ZNF251: variants seen among roughly 807,000 people sequenced by gnomAD.
ZNF251 encodes zinc finger protein 251.
In ZNF251, 14 loss-of-function variants were observed where a neutral mutation model predicts 13.5. The ratio of observed to expected loss-of-function variants is 1.04; its 90% CI spans 0.69 to 1.63. ZNF251 has a LOEUF of 1.63. ZNF251 is among the 40% of genes most tolerant of loss of function. The pLI is 0.00. For missense variants in ZNF251, 764 were observed against 834.9 expected (o/e 0.92, Z 1.05); for synonymous variants, 287 against 295.2 (o/e 0.97, Z 0.28).
rs1009327516 is a variant in ZNF251, at chr8:144,743,953, T to C, written c.277+9730A>G. Among the ~76,000 whole-genome samples, 6 of 152,004 alleles carry C rather than the reference T, an allele frequency of 3.9e-5. No individual in the cohort carries two copies. The East Asian group carries it at 1.2e-3, about 29-fold the overall frequency. On this transcript the variant is annotated intron_variant, in intron 4 of 4. Transcript: ENST00000292562. ...ATTTTGGATAATGGTCATTTATATGTGCCTTTTACAAATATCTTCTCCCAA... is the reference window on the plus strand; with the variant it reads ...ATTTTGGATAATGGTCATTTATATGCGCCTTTTACAAATATCTTCTCCCAA...
In ZNF251 at chr8:144,754,774, T is replaced by C. The variant is rs752979954; in HGVS notation, c.-46A>G. 1 of 1,602,488 alleles carries C rather than the reference T, an allele frequency of 6.2e-7. No homozygotes were observed. The highest frequency in any genetic ancestry group is 2.2e-5 in the East Asian group (1 of 44,536). On this transcript the variant is annotated 5_prime_UTR_variant, in exon 2 of 5. Transcript: ENST00000292562. ...TGGTTTCCAAGAGAAGACAGGAGAC[T>C]GCCCTGGCCTGAAGTCTCCCCGAAC...
intron 4 of ZNF251, among the ~76,000 whole-genome samples, chr8:144,729,462 G>A (rs868514151): frequency 1.5e-4 from 23 of 150,400 alleles, no homozygotes; most frequent in Non-Finnish European, 8.9e-5. Context: ...TCAGCCTCCC[G>A]AGTAGCTGGG....
intron 4 of ZNF251, among the ~76,000 whole-genome samples, chr8:144,731,118 C>T (rs942523391): frequency 5.9e-5 from 9 of 152,184 alleles, no homozygotes; most frequent in Admixed American, 3.3e-4. Flanking sequence ...ACTACACTGA[C>T]GTCATCCACG....
At chr8:144,725,083 G>A (rs951041534) in intron 4 of ZNF251, among the ~76,000 whole-genome samples, 1 of 151,644 alleles carries the variant, frequency 6.6e-6, no homozygotes, top group East Asian at 1.9e-4. Context: ...GCACGATCTC[G>A]GCTCACCACA....
chr8:144,749,417 C>A (rs966650195), intron 4 of ZNF251, among the ~76,000 whole-genome samples: 1 of 151,950 alleles, frequency 6.6e-6, no homozygotes, highest in African/African-American at 2.4e-5. Context: ...CCTGGGAGGT[C>A]AAAGCTTTCA....
intron 4 of ZNF251, among the ~76,000 whole-genome samples, chr8:144,752,998 C>G (rs1824766223): frequency 6.6e-6 from 1 of 151,982 alleles, no homozygotes; most frequent in Non-Finnish European, 1.5e-5. Context: ...AGCCACTGGT[C>G]AGGTGCAGTG....
chr8:144,732,361 T>C (rs1823722532), intron 4 of ZNF251, among the ~76,000 whole-genome samples: 1 of 152,130 alleles, frequency 6.6e-6, no homozygotes, highest in African/African-American at 2.4e-5. Flanking sequence ...TGGTGGTGGG[T>C]GTATGGGTCT....
At position 144,728,594 on chromosome 8, in the gene ZNF251, C is replaced by A. The variant is rs371278406; in HGVS notation, c.278-5212G>T. Among the ~76,000 whole-genome samples, 6 of 144,032 alleles carry A rather than the reference C, an allele frequency of 4.2e-5. No homozygotes were observed. The East Asian group carries it at 8.2e-4, about 20-fold the overall frequency. The allele number at this position is 144,032 out of a possible 152,430, so 94.5% of individuals were successfully genotyped here. On this transcript the variant is annotated intron_variant, in intron 4 of 4. Transcript: ENST00000292562. ...AGGAGAATAGCATGAACCCGGGAGG[C>A]GGAGCTTGCAGTGAGCCGAGATCGC...
intron 4 of ZNF251, among the ~76,000 whole-genome samples, chr8:144,745,004 A>C (rs1563767425): frequency 6.6e-6 from 1 of 152,140 alleles, no homozygotes; most frequent in Non-Finnish European, 1.5e-5. Flanking sequence ...TGCAGTGAGC[A>C]GAGATTGTGC....
intron 4 of ZNF251, among the ~76,000 whole-genome samples, chr8:144,747,644 C>T (rs139337913): frequency 0.028 from 4,044 of 144,272 alleles, 180 homozygotes; most frequent in African/African-American, 0.1. Flanking sequence ...CGGAGTCTCG[C>T]TCTGTTGCCC....
Position 144,722,984 on chromosome 8 carries a change from T to C in ZNF251, c.676A>G (p.Arg226Gly), listed in dbSNP as rs762681881. The C allele has an allele frequency of 6.2e-7, 1 of 1,613,898 alleles. No individual in the cohort carries two copies. The highest frequency in any genetic ancestry group is 8.5e-7 in the Non-Finnish European group (1 of 1,179,792). Residue 226 changes from arginine (R) to glycine (G), a missense_variant, in exon 5 of 5, where the codon AGA becomes GGA. Coordinates refer to ENST00000292562, the MANE Select transcript of ZNF251 (RefSeq NM_138367.2). The surrounding 1 kb of genome is among the most constrained non-coding windows in gnomAD (Gnocchi z 4.8). Reference protein sequence around the residue: ...KTFKYNSDLSRHQRSHTGEKP... With the variant: ...KTFKYNSDLSGHQRSHTGEKP... ...TCCCCAGTGTGACTTCTCTGGTGTC[T>C]ACTTAGGTCTGAATTATATTTGAAG...
intron 4 of ZNF251, among the ~76,000 whole-genome samples, chr8:144,739,770 G>C (rs770839734): frequency 2.0e-5 from 3 of 152,016 alleles, no homozygotes; most frequent in Non-Finnish European, 2.9e-5. Flanking sequence ...ATGGTGGAGC[G>C]CACCTGTAGT....
At position 144,721,521 on chromosome 8, in the gene ZNF251, A is replaced by G. The variant is rs2129914924; in HGVS notation, c.*123T>C. 2.0e-6 allele frequency: 2 copies of G among 978,300 alleles called. No individual in the cohort carries two copies. Among genetic ancestry groups the G allele is most frequent in the Non-Finnish European group, 2.7e-6 (2 of 751,306 alleles). The allele number at this position is 978,300 out of a possible 1,614,324, so 60.6% of individuals were successfully genotyped here. On this transcript the variant is annotated 3_prime_UTR_variant, in exon 5 of 5. Transcript: ENST00000292562. ...CAGATTTAATGACTTTGACTTTAGT[A>G]GTCATCTGAACTATTTATTTTACTT...
intron 4 of ZNF251, among the ~76,000 whole-genome samples, chr8:144,753,055 T>C (rs1022319374): frequency 3.3e-5 from 5 of 151,962 alleles, no homozygotes; most frequent in African/African-American, 4.8e-5. Context: ...CATGGATCAC[T>C]TGATCTCAAG....
intron 4 of ZNF251, among the ~76,000 whole-genome samples, chr8:144,731,261 G>A (rs986791517): frequency 6.6e-6 from 1 of 152,186 alleles, no homozygotes; most frequent in Non-Finnish European, 1.5e-5. Flanking sequence ...ACCACAAACA[G>A]TGGCTATCAG....
intron 1 of ZNF251, chr8:144,755,005 G>T: frequency 7.2e-7 from 1 of 1,388,190 alleles, no homozygotes; most frequent in Non-Finnish European, 9.3e-7. Flanking sequence ...ATCCAGGGAC[G>T]CCCGGCTAAG....
At chr8:144,727,932 C>A (rs1479970454) in intron 4 of ZNF251, among the ~76,000 whole-genome samples, 1 of 152,202 alleles carries the variant, frequency 6.6e-6, no homozygotes, top group African/African-American at 2.4e-5. Flanking sequence ...CCTGTCTCAG[C>A]CTCCTGAGAA....
intron 4 of ZNF251, among the ~76,000 whole-genome samples, chr8:144,736,083 C>T (rs189542160): frequency 1.4e-4 from 21 of 152,362 alleles, no homozygotes; most frequent in Admixed American, 1.2e-3. Flanking sequence ...CTGTGCCCAA[C>T]GCCCTCATCA....
At chr8:144,733,217 TCAAAA>T (rs1306655146) in intron 4 of ZNF251, among the ~76,000 whole-genome samples, 1 of 152,024 alleles carries the variant, frequency 6.6e-6, no homozygotes, top group African/African-American at 2.4e-5. Flanking sequence ...AGACTCCGTC[TCAAAA>T]CAAAACAAAA....
Sources: gnomAD v4.1 joint callset for allele counts (sites outside exome capture counted in the v4.1 genomes callset) on GRCh38, gnomAD v4.1.1 for gene constraint, Gnocchi (gnomAD v3.1) non-coding constraint, MANE v1.5 for transcripts, NCBI Gene and HGNC (gene_info 2026-07-23, HGNC 2026-07-21) for gene names.